Variants in NFATC3 observed in about 807,000 individuals in gnomAD.
The protein encoded by NFATC3 is nuclear factor of activated T-cells, cytoplasmic 3.
In NFATC3, 46 loss-of-function variants were observed where a neutral mutation model predicts 98.6. The ratio of observed to expected loss-of-function variants is 0.47; its 90% CI spans 0.37 to 0.60. NFATC3 has a LOEUF of 0.60. NFATC3 is among the 20% of genes least tolerant of loss of function. The pLI is 0.00. For synonymous variants in NFATC3, 512 were observed against 472.2 expected, an observed-to-expected ratio of 1.08 and a Z score of -1.09; for missense variants, 1,256 against 1,295.5, an observed-to-expected ratio of 0.97 and a Z score of 0.47.
intron 1 of NFATC3, among the ~76,000 whole-genome samples, chr16:68,117,454 A>G (rs1395234493): frequency 2.0e-5 from 3 of 152,114 alleles, no homozygotes; most frequent in Non-Finnish European, 4.4e-5. Context: ...AGCTCTCATT[A>G]TTCTGCCTCC....
intron 9 of NFATC3, among the ~76,000 whole-genome samples, chr16:68,213,448 A>G (rs906647706): frequency 2.5e-4 from 37 of 149,072 alleles, no homozygotes; most frequent in African/African-American, 9.4e-4. Context: ...AAAAATTAAA[A>G]AAAATAAAAA....
At chr16:68,124,387 C>T (rs2036720890) in intron 2 of NFATC3, among the ~76,000 whole-genome samples, 1 of 151,246 alleles carries the variant, frequency 6.6e-6, no homozygotes, top group Admixed American at 6.6e-5. Context: ...GCCAGGATTA[C>T]AGGCAGGAGC....
chr16:68,192,399 T>C (rs2040483005), intron 9 of NFATC3, among the ~76,000 whole-genome samples: 1 of 150,618 alleles, frequency 6.6e-6, no homozygotes, highest in Non-Finnish European at 1.5e-5. Context: ...GCATCTGTTT[T>C]ACCACTAATA....
At chr16:68,164,482 A>G (rs536876080) in intron 4 of NFATC3, among the ~76,000 whole-genome samples, 1 of 152,258 alleles carries the variant, frequency 6.6e-6, no homozygotes, top group Admixed American at 6.5e-5. Flanking sequence ...TCACAGAGCT[A>G]CCCTACAAGA....
intron 1 of NFATC3, among the ~76,000 whole-genome samples, chr16:68,103,590 G>A (rs2035485344): frequency 6.6e-6 from 1 of 152,214 alleles, no homozygotes; most frequent in African/African-American, 2.4e-5. Flanking sequence ...TTTGTTGCTT[G>A]TGCTTTTACT....
chr16:68,190,017 C>G (rs1010796449), intron 8 of NFATC3, among the ~76,000 whole-genome samples: 1 of 152,038 alleles, frequency 6.6e-6, no homozygotes, highest in African/African-American at 2.4e-5. Flanking sequence ...CCAGCCTGGC[C>G]GACAGAGTGA....
intron 3 of NFATC3, among the ~76,000 whole-genome samples, chr16:68,150,535 T>C (rs1193660989): frequency 6.6e-6 from 1 of 152,082 alleles, no homozygotes; most frequent in Non-Finnish European, 1.5e-5. Context: ...TGAGCTATGA[T>C]TGTGCCATTG....
intron 1 of NFATC3, among the ~76,000 whole-genome samples, chr16:68,104,446 A>G (rs74817508): frequency 0.038 from 5,740 of 152,186 alleles, 117 homozygotes; most frequent in Middle Eastern, 0.14. Context: ...TACTTTATAT[A>G]GAATCATGTC....
chr16:68,137,106 A>G (rs2037458104), intron 3 of NFATC3, among the ~76,000 whole-genome samples: 1 of 152,144 alleles, frequency 6.6e-6, no homozygotes, highest in South Asian at 2.1e-4. Flanking sequence ...TTTTTCTTTA[A>G]TAATTAACTT....
chr16:68,226,632 T>G lies in NFATC3; in HGVS notation c.*161T>G. 1.3e-6 allele frequency: 1 copy of G among 785,602 alleles called. No individual in the cohort carries two copies. The highest frequency in any genetic ancestry group is 1.9e-6 in the Non-Finnish European group (1 of 538,750). 48.7% of individuals were successfully genotyped at this position (785,602 alleles called of 1,614,324 possible). A position where few individuals can be genotyped will look rare whatever the true frequency, so the allele number is the denominator to read the frequency against. On this transcript the variant is annotated 3_prime_UTR_variant, in exon 10 of 10. Coordinates refer to ENST00000346183, the MANE Select transcript of NFATC3 (RefSeq NM_173165.3). Reference sequence around the variant, plus strand: ...CCTCCACCTCAGGCCTTGGGTAGATTTGGCAAAAGAACAGGAGCAGCATAG... The same window carrying G: ...CCTCCACCTCAGGCCTTGGGTAGATGTGGCAAAAGAACAGGAGCAGCATAG...
chr16:68,116,533 G>A (rs551275756), intron 1 of NFATC3, among the ~76,000 whole-genome samples: 1 of 152,240 alleles, frequency 6.6e-6, no homozygotes, highest in African/African-American at 2.4e-5. Context: ...TCTGGACTTA[G>A]GACTGTTCGT....
chr16:68,190,053 A>G (rs2040372033), intron 8 of NFATC3, among the ~76,000 whole-genome samples: 1 of 152,238 alleles, frequency 6.6e-6, no homozygotes, highest in Non-Finnish European at 1.5e-5. Flanking sequence ...AAACAAAAAA[A>G]AGAAATTGTT....
Position 68,162,304 on chromosome 16 carries a change from C to T in NFATC3, c.1601+4236C>T, listed in dbSNP as rs2038931232. On this transcript the variant is annotated intron_variant, in intron 4 of 9. Coordinates refer to ENST00000346183, the MANE Select transcript of NFATC3 (RefSeq NM_173165.3). The stretch of plus-strand genomic sequence containing the variant: ...CTAATGATGAATGAGCCTGTTTACT[C>T]AGTAGCTAATTGCTAGGATAAACTA... Among the ~76,000 whole-genome samples, 4 of 152,172 alleles carry T rather than the reference C, an allele frequency of 2.6e-5. No homozygotes were observed. The South Asian group carries it at 8.3e-4, about 31-fold the overall frequency.
intron 1 of NFATC3, among the ~76,000 whole-genome samples, chr16:68,099,822 G>A (rs566317260): frequency 7.9e-4 from 120 of 152,066 alleles, no homozygotes; most frequent in Non-Finnish European, 1.3e-3. Context: ...GGAGGGCAGG[G>A]CAGGGGGACA....
At chr16:68,211,584 A>G (rs1340079422) in intron 9 of NFATC3, among the ~76,000 whole-genome samples, 1 of 149,374 alleles carries the variant, frequency 6.7e-6, no homozygotes, top group Non-Finnish European at 1.5e-5. Flanking sequence ...GTGCAATGGC[A>G]TGATCTCAGC....
At chr16:68,140,467 A>T (rs1264741466) in intron 3 of NFATC3, among the ~76,000 whole-genome samples, 1 of 152,222 alleles carries the variant, frequency 6.6e-6, no homozygotes, top group Non-Finnish European at 1.5e-5. Context: ...AATTAAACTG[A>T]AATTAAAAAT....
intron 9 of NFATC3, among the ~76,000 whole-genome samples, chr16:68,195,961 A>C (rs1272879603): frequency 1.3e-5 from 2 of 152,128 alleles, no homozygotes; most frequent in African/African-American, 4.8e-5. Flanking sequence ...TAAAGGGATC[A>C]ATCCTCCCAC....
intron 8 of NFATC3, among the ~76,000 whole-genome samples, chr16:68,183,620 C>A (rs1444675407): frequency 2.0e-5 from 3 of 151,944 alleles, no homozygotes; most frequent in South Asian, 2.1e-4. Flanking sequence ...GGGTTTTAAT[C>A]AAAAATTCCC....
At position 68,227,977 on chromosome 16, in the gene NFATC3, G is replaced by GGCCT. The variant is rs1465119406; in HGVS notation, c.*1508_*1511dup. On this transcript the variant is annotated 3_prime_UTR_variant, in exon 10 of 10. Transcript: ENST00000346183. ...TATGTGAGACAGTGTGCTGGTTGAAGGCCTGATGCTGTTATTCCAGGAGAC... is the reference window on the plus strand; with the variant it reads ...TATGTGAGACAGTGTGCTGGTTGAAGGCCTGCCTGATGCTGTTATTCCAGGAGAC... 1 of 152,112 alleles carries GGCCT rather than the reference G, an allele frequency of 6.6e-6. No individual in the cohort carries two copies. Among genetic ancestry groups the GGCCT allele is most frequent in the East Asian group, 1.9e-4 (1 of 5,192 alleles). The allele number at this position is 152,112 out of a possible 1,614,324, so 9.4% of individuals were successfully genotyped here.
Sources: gnomAD v4.1 joint callset for allele counts (sites outside exome capture counted in the v4.1 genomes callset) on GRCh38, gnomAD v4.1.1 for gene constraint, MANE v1.5 for transcripts, NCBI Gene and HGNC (gene_info 2026-07-23, HGNC 2026-07-21) for gene names.